Variants in GPATCH2 observed in about 807,000 individuals in gnomAD.
GPATCH2 encodes G patch domain-containing protein 2.
Under a neutral mutation model 58.0 loss-of-function variants are expected in GPATCH2, and 51 were observed. The ratio of observed to expected loss-of-function variants is 0.88; its 90% confidence interval spans 0.70 to 1.11. The LOEUF (loss-of-function observed/expected upper bound fraction) is 1.11. Ranked by LOEUF, GPATCH2 falls within the 50% of genes most tolerant of loss-of-function variation. GPATCH2 has a pLI of 0.00. For synonymous variants in GPATCH2, 222 were observed against 218.5 expected (o/e 1.02, Z -0.14); for missense variants, 625 against 652.2 (o/e 0.96, Z 0.45).
chr1:217,615,744 T>G (rs1465815513), intron 2 of GPATCH2, among the ~76,000 whole-genome samples: 1 of 152,146 alleles, frequency 6.6e-6, no homozygotes, highest in African/African-American at 2.4e-5. Context: ...GATTAATATA[T>G]TTCTTCAATT....
Position 217,491,613 on chromosome 1 carries a change from C to T in GPATCH2, c.1277+67G>A, listed in dbSNP as rs2102533174. 10 of 684,488 alleles carry T rather than the reference C, an allele frequency of 1.5e-5. 1 individual carries two copies. The South Asian group carries it at 1.9e-4, about 13-fold the overall frequency. The allele number at this position is 684,488 out of a possible 1,614,324, so 42.4% of individuals were successfully genotyped here. A position where few individuals can be genotyped will look rare whatever the true frequency, so the allele number is the denominator to read the frequency against. Reference sequence around the variant, plus strand: ...AACCAAAGGCAACCTAACAACAATTCATTACATTCTTATAGGCATAGAAAA... The same window carrying T: ...AACCAAAGGCAACCTAACAACAATTTATTACATTCTTATAGGCATAGAAAA... On this transcript the variant is annotated intron_variant, in intron 8 of 9. Coordinates refer to ENST00000366935, the MANE Select transcript of GPATCH2 (RefSeq NM_018040.5).
intron 8 of GPATCH2, among the ~76,000 whole-genome samples, chr1:217,473,514 T>C (rs1660830575): frequency 2.0e-5 from 3 of 152,000 alleles, no homozygotes; most frequent in Admixed American, 2.0e-4. Flanking sequence ...GGTTTTGAGG[T>C]ACATGAAAAT....
intron 8 of GPATCH2, among the ~76,000 whole-genome samples, chr1:217,476,617 T>C (rs1192724175): frequency 6.6e-6 from 1 of 152,076 alleles, no homozygotes; most frequent in Non-Finnish European, 1.5e-5. Context: ...AGTGCTGCCC[T>C]GTTATAGCAG....
chr1:217,606,173 G>C (rs1228194813), intron 5 of GPATCH2, among the ~76,000 whole-genome samples: 2 of 151,386 alleles, frequency 1.3e-5, no homozygotes, highest in Non-Finnish European at 2.9e-5. Flanking sequence ...TTCAGGAATA[G>C]CTATTAGGCC....
intron 8 of GPATCH2, among the ~76,000 whole-genome samples, chr1:217,464,620 T>C (rs1660357297): frequency 6.6e-6 from 1 of 152,024 alleles, no homozygotes; most frequent in African/African-American, 2.4e-5. Flanking sequence ...ACAGTGGAAG[T>C]AGAAGCGAAC....
intron 5 of GPATCH2, among the ~76,000 whole-genome samples, chr1:217,597,140 C>T (rs1392946628): frequency 6.6e-6 from 1 of 150,654 alleles, no homozygotes; most frequent in Non-Finnish European, 1.5e-5. Context: ...GCATGGACAA[C>T]ATAGCAAGAC....
At chr1:217,524,408 C>A (rs533776621) in intron 5 of GPATCH2, among the ~76,000 whole-genome samples, 1 of 150,760 alleles carries the variant, frequency 6.6e-6, no homozygotes, top group East Asian at 2.0e-4. Context: ...CTCCTCACAT[C>A]CCAGACGATG....
intron 8 of GPATCH2, among the ~76,000 whole-genome samples, chr1:217,462,885 G>A (rs72745393): frequency 0.027 from 4,176 of 152,234 alleles, 85 homozygotes; most frequent in Non-Finnish European, 0.042. Flanking sequence ...AACAACTTGG[G>A]TGAACCTGGG....
intron 5 of GPATCH2, among the ~76,000 whole-genome samples, chr1:217,595,531 C>G (rs1163397374): frequency 6.6e-6 from 1 of 151,124 alleles, no homozygotes; most frequent in Non-Finnish European, 1.5e-5. Flanking sequence ...TGGAGTCTCA[C>G]TTTTGTTGCC....
intron 6 of GPATCH2, among the ~76,000 whole-genome samples, chr1:217,503,079 C>G (rs1470245808): frequency 6.6e-6 from 1 of 151,802 alleles, no homozygotes; most frequent in Non-Finnish European, 1.5e-5. Flanking sequence ...TTTCTTCTTT[C>G]TAGTGGAATT....
chr1:217,548,855 C>G (rs1288469101), intron 5 of GPATCH2, among the ~76,000 whole-genome samples: 3 of 152,134 alleles, frequency 2.0e-5, no homozygotes, highest in Non-Finnish European at 4.4e-5. Flanking sequence ...TTTCCTGAGG[C>G]CTCCCCAGCA....
At chr1:217,618,419 G>T (rs1246088364) in intron 2 of GPATCH2, among the ~76,000 whole-genome samples, 2 of 151,690 alleles carry the variant, frequency 1.3e-5, no homozygotes, top group African/African-American at 2.4e-5. Context: ...TACTGGTCTG[G>T]CTGGTCTCAA....
chr1:217,524,156 G>A (rs1241389672), intron 5 of GPATCH2, among the ~76,000 whole-genome samples: 2 of 150,624 alleles, frequency 1.3e-5, no homozygotes, highest in Non-Finnish European at 2.9e-5. Context: ...GTGGCTGCCG[G>A]GCGGAGGCTC....
intron 7 of GPATCH2, among the ~76,000 whole-genome samples, chr1:217,497,380 AACTC>A (rs770975898): frequency 1.3e-4 from 20 of 152,156 alleles, no homozygotes; most frequent in Admixed American, 1.3e-4. Flanking sequence ...TTTAAAATGT[AACTC>A]ACTCTCATGG....
chr1:217,448,110 A>AG (rs1337712497), intron 9 of GPATCH2, among the ~76,000 whole-genome samples: 1 of 151,974 alleles, frequency 6.6e-6, no homozygotes, highest in East Asian at 1.9e-4. Context: ...GAAAAAAAAA[A>AG]AAAAAAATAG....
chr1:217,555,761 T>C (rs1030939631), intron 5 of GPATCH2, among the ~76,000 whole-genome samples: 27 of 152,148 alleles, frequency 1.8e-4, no homozygotes, highest in African/African-American at 6.5e-4. Context: ...GTAGCATACA[T>C]TTCTAACACC....
intron 8 of GPATCH2, among the ~76,000 whole-genome samples, chr1:217,462,253 T>C (rs1463814698): frequency 1.3e-5 from 2 of 152,162 alleles, no homozygotes; most frequent in African/African-American, 4.8e-5. Context: ...CCTCTTCTCA[T>C]TTTTACAATG....
intron 8 of GPATCH2, among the ~76,000 whole-genome samples, chr1:217,483,701 T>C (rs924515293): frequency 1.3e-5 from 2 of 152,264 alleles, no homozygotes; most frequent in African/African-American, 4.8e-5. Context: ...TACCTCATTG[T>C]GGTTTTACTT....
intron 5 of GPATCH2, among the ~76,000 whole-genome samples, chr1:217,590,023 T>TC (rs769993392): frequency 6.7e-6 from 1 of 149,660 alleles, no homozygotes; most frequent in Non-Finnish European, 1.5e-5. Context: ...CTGTACAACG[T>TC]CTTTTTTTTT....
Sources: allele counts gnomAD v4.1 joint callset (sites outside exome capture counted in the v4.1 genomes callset), GRCh38; gene constraint gnomAD v4.1.1; transcripts MANE v1.5; gene names NCBI Gene and HGNC (gene_info 2026-07-23, HGNC 2026-07-21).